The following ELL variants were observed in gnomAD, a reference collection of about 807,000 sequenced individuals.
The protein encoded by ELL is RNA polymerase II elongation factor ELL.
A neutral mutation model predicts 64.0 loss-of-function variants in ELL; 18 were observed. That is an observed-to-expected ratio of 0.28 (90% CI 0.19 to 0.42). The LOEUF (loss-of-function observed/expected upper bound fraction) is 0.42. ELL is among the 10% of genes least tolerant of loss of function. The probability of loss-of-function intolerance (pLI) is 1.00; values close to 1 mark genes in which losing one functional copy is unlikely to be tolerated. For synonymous variants in ELL, 399 were observed against 376.2 expected (o/e 1.06, Z -0.70); for missense variants, 797 against 870.4 (o/e 0.92, Z 1.06).
At chr19:18,472,765 G>C (rs1031135964) in intron 2 of ELL, 70 bp downstream of exon 2, 28 of 1,535,260 alleles carry the variant, frequency 1.8e-5, no homozygotes, top group Non-Finnish European at 2.4e-5. Context: ...TGTACCCAGC[G>C]AGCAAGGACA....
chr19:18,483,098 CTA>C (rs1244243606), intron 1 of ELL, among the ~76,000 whole-genome samples: 1 of 152,032 alleles, frequency 6.6e-6, no homozygotes, highest in Non-Finnish European at 1.5e-5. Flanking sequence ...TTAAATAGCT[CTA>C]TTTTAGGAAA....
At chr19:18,481,774 T>C (rs1975304724) in intron 1 of ELL, among the ~76,000 whole-genome samples, 1 of 152,142 alleles carries the variant, frequency 6.6e-6, no homozygotes, top group Non-Finnish European at 1.5e-5. Flanking sequence ...AGGACACAGG[T>C]TGTTTCCAGT....
In ELL at chr19:18,450,474, T is replaced by C. The variant is rs1192568297; in HGVS notation, c.1465+3A>G. 6.2e-7 allele frequency: 1 copy of C among 1,612,202 alleles called. No individual in the cohort carries two copies. Among genetic ancestry groups the C allele is most frequent in the African/African-American group, 1.3e-5 (1 of 75,058 alleles). On this transcript the variant is annotated splice_donor_region_variant and intron_variant, in intron 8 of 11. Transcript: ENST00000262809. ...GGCAACGCCCTCCTGCCTGGGCACC[T>C]ACCTGGGGTGTCTGCTGGGGCTCCG...
intron 1 of ELL, among the ~76,000 whole-genome samples, chr19:18,478,901 C>G (rs1162834242): frequency 6.6e-6 from 1 of 152,238 alleles, no homozygotes; most frequent in Non-Finnish European, 1.5e-5. Context: ...GACAGCAATG[C>G]CTTTGGGAAA....
intron 1 of ELL, among the ~76,000 whole-genome samples, chr19:18,487,550 C>A (rs1975445929): frequency 6.6e-6 from 1 of 152,230 alleles, no homozygotes; most frequent in Non-Finnish European, 1.5e-5. Flanking sequence ...AGAGACAGAA[C>A]CTGATGTGGC....
chr19:18,461,369 C>T (rs1196212448), intron 5 of ELL, among the ~76,000 whole-genome samples: 2 of 152,202 alleles, frequency 1.3e-5, no homozygotes, highest in African/African-American at 4.8e-5. Context: ...ACAGTCGGGG[C>T]CATGCCCAGA....
At chr19:18,459,926 G>A (rs1219332807) in intron 5 of ELL, among the ~76,000 whole-genome samples, 1 of 152,182 alleles carries the variant, frequency 6.6e-6, no homozygotes, top group Non-Finnish European at 1.5e-5. Context: ...TTTTTTTCAG[G>A]TTGGCAACAG....
intron 1 of ELL, chr19:18,475,766 G>C (rs553421621): frequency 6.6e-6 from 1 of 152,338 alleles, no homozygotes; most frequent in East Asian, 1.9e-4. Context: ...CTGGAGGTGG[G>C]AGTGGGGAGT....
chr19:18,508,666 G>A lies in ELL; in HGVS notation c.135+13255C>T, dbSNP rs527551750. Among the ~76,000 whole-genome samples, 133 of 152,294 alleles carry A rather than the reference G, an allele frequency of 8.7e-4. No homozygotes were observed. The South Asian group carries it at 9.5e-3, about 11-fold the overall frequency. ...ACCCAGCTGGACACCCTAGACCAGC[G>A]GCCAGCAAGCTTCTTTTATGAAGGG... On this transcript the variant is annotated intron_variant, in intron 1 of 11. Coordinates refer to ENST00000262809, the MANE Select transcript of ELL (RefSeq NM_006532.4).
intron 1 of ELL, among the ~76,000 whole-genome samples, chr19:18,505,764 T>C (rs897685774): frequency 2.5e-4 from 38 of 152,124 alleles, no homozygotes; most frequent in Admixed American, 1.8e-3. Context: ...CACAGCTCCC[T>C]GAACCCCAAA....
intron 1 of ELL, among the ~76,000 whole-genome samples, chr19:18,481,133 C>A (rs893269396): frequency 5.9e-5 from 9 of 152,196 alleles, no homozygotes; most frequent in African/African-American, 2.2e-4. Flanking sequence ...TGCATCCCCA[C>A]TTGGAGACTG....
chr19:18,487,402 G>C (rs1975441861), intron 1 of ELL, among the ~76,000 whole-genome samples: 1 of 152,232 alleles, frequency 6.6e-6, no homozygotes, highest in Non-Finnish European at 1.5e-5. Flanking sequence ...TTGGGGGACA[G>C]TTGCCCTCAG....
At chr19:18,517,038 G>C (rs1000936045) in intron 1 of ELL, among the ~76,000 whole-genome samples, 13 of 152,096 alleles carry the variant, frequency 8.5e-5, no homozygotes, top group Admixed American at 4.6e-4. Context: ...AGGTCACTCA[G>C]CAACAGAGCC....
chr19:18,451,516 T>TG (rs1974535768), intron 7 of ELL, 36 bp downstream of exon 7: 1 of 1,440,888 alleles, frequency 6.9e-7, no homozygotes, highest in African/African-American at 1.5e-5. Context: ...GCCCTGCAGG[T>TG]GCTTGGGACA....
At chr19:18,514,022 C>G (rs949149384) in intron 1 of ELL, among the ~76,000 whole-genome samples, 1 of 152,208 alleles carries the variant, frequency 6.6e-6, no homozygotes, top group Non-Finnish European at 1.5e-5. Flanking sequence ...ACAAACACAT[C>G]TGCTGGCCTG....
intron 1 of ELL, among the ~76,000 whole-genome samples, chr19:18,509,827 C>T (rs1235748209): frequency 6.6e-5 from 10 of 152,174 alleles, no homozygotes; most frequent in Admixed American, 5.2e-4. Context: ...CAGCCAGTGC[C>T]CCCCAGTGGG....
intron 2 of ELL, 22 bp from the exon 3 acceptor site, chr19:18,465,940 G>A (rs770382691): frequency 1.6e-6 from 2 of 1,288,270 alleles, no homozygotes; most frequent in Non-Finnish European, 2.0e-6. Context: ...GGGAGGGGGT[G>A]TCACTGGGAG....
rs1974326311 is a variant in ELL at position 18,442,994 on chromosome 19, C to A, written c.*1758G>T. The A allele has an allele frequency of 8.6e-6, 2 of 232,134 alleles. No homozygotes were observed. The highest frequency in any genetic ancestry group is 4.4e-5 in the African/African-American group (2 of 45,266). 14.4% of individuals were successfully genotyped at this position (232,134 alleles called of 1,614,324 possible). A position where few individuals can be genotyped will look rare whatever the true frequency, so the allele number is the denominator to read the frequency against. ...ATTCCTTAAAAGGAGAACAAATAAA[C>A]AACAAAAACAACAACAACAACAAAA... is the stretch of plus-strand genomic sequence containing the variant. On this transcript the variant is annotated 3_prime_UTR_variant, in exon 12 of 12. Transcript: ENST00000262809.
rs554193169 is a variant in ELL, at chr19:18,477,355, C to A, written c.136-4473G>T. On this transcript the variant is annotated intron_variant, in intron 1 of 11. Transcript: ENST00000262809. ...AAACGAACACCACCTCGGTGACCTG[C>A]GGACGACAGCAGGGGATCCCACGTG... Among the ~76,000 whole-genome samples, 5 of 152,134 alleles carry A rather than the reference C, an allele frequency of 3.3e-5. No homozygotes were observed. In the East Asian group the frequency reaches 9.6e-4, roughly 29 times the overall value.
Sources: gnomAD v4.1 joint callset for allele counts (sites outside exome capture counted in the v4.1 genomes callset) on GRCh38, gnomAD v4.1.1 for gene constraint, MANE v1.5 for transcripts, NCBI Gene and HGNC (gene_info 2026-07-23, HGNC 2026-07-21) for gene names.